The following OVCH1 variants were observed in gnomAD, a reference collection of about 807,000 sequenced individuals.
OVCH1 encodes the protein ovochymase 1.
A neutral mutation model predicts 138.4 loss-of-function variants in OVCH1; 139 were observed. The ratio of observed to expected loss-of-function variants is 1.00; its 90% CI spans 0.87 to 1.16. The LOEUF is 1.16. Among genes scored for constraint, OVCH1 ranks in the 50% most tolerant of loss-of-function variants. The pLI is 0.00. For missense variants in OVCH1, 1,367 were observed against 1,357.9 expected (o/e 1.01, Z -0.11); for synonymous variants, 453 against 467.8 (o/e 0.97, Z 0.41).
chr12:29,418,407 T>C (rs1941059729), intron 3 of OVCH1, among the ~76,000 whole-genome samples: 1 of 152,234 alleles, frequency 6.6e-6, no homozygotes, highest in South Asian at 2.1e-4. Context: ...AAATCTTCTG[T>C]AGACCTCCAT....
At chr12:29,414,783 A>AT (rs1283442035) in intron 3 of OVCH1, among the ~76,000 whole-genome samples, 6 of 152,174 alleles carry the variant, frequency 3.9e-5, no homozygotes, top group South Asian at 2.1e-4. Context: ...CATTATTAAA[A>AT]TTTTTTTAAA....
intron 3 of OVCH1, among the ~76,000 whole-genome samples, chr12:29,495,876 T>C (rs749903034): frequency 7.2e-5 from 11 of 152,212 alleles, no homozygotes; most frequent in Non-Finnish European, 1.5e-4. Flanking sequence ...GATTAAAACT[T>C]TGGAGCATCC....
At chr12:29,493,801 C>A (rs1056583555) in intron 4 of OVCH1, among the ~76,000 whole-genome samples, 24 of 152,046 alleles carry the variant, frequency 1.6e-4, no homozygotes, top group Non-Finnish European at 3.1e-4. Context: ...AAATTTGTAA[C>A]CTTTGAAGGT....
downstream of OVCH1, among the ~76,000 whole-genome samples, chr12:29,424,880 CCT>C (rs1419045076): frequency 1.3e-5 from 2 of 152,228 alleles, no homozygotes; most frequent in Non-Finnish European, 2.9e-5. Context: ...CGAAAATAAA[CCT>C]CAGCAAAATT....
At chr12:29,432,283 A>AGGGCTAAGTGTGTCTGAGCT (rs1941283444) in intron 27 of OVCH1, among the ~76,000 whole-genome samples, 1 of 152,200 alleles carries the variant, frequency 6.6e-6, no homozygotes, top group African/African-American at 2.4e-5. Flanking sequence ...TGGCTATTAC[A>AGGGCTAAGTGTGTCTGAGCT]CATAAAACTG....
At chr12:29,453,805 A>G (rs1592058179) in intron 21 of OVCH1, among the ~76,000 whole-genome samples, 1 of 152,170 alleles carries the variant, frequency 6.6e-6, no homozygotes, top group African/African-American at 2.4e-5. Context: ...CATCTACCTC[A>G]GTGCATCCAG....
intron 19 of OVCH1, 40 bp downstream of exon 19, chr12:29,461,814 C>A: frequency 6.2e-7 from 1 of 1,612,356 alleles, no homozygotes. Context: ...CAGCAGATGG[C>A]AATTTTCCAC....
chr12:29,428,390 G>A (rs999536778), intron 27 of OVCH1, among the ~76,000 whole-genome samples: 2 of 152,170 alleles, frequency 1.3e-5, no homozygotes, highest in Non-Finnish European at 2.9e-5. Context: ...CCTTCTTACT[G>A]AGATACCCCA....
rs562681197 is a variant in OVCH1, at chr12:29,461,798, ACT to A, written c.2280+54_2280+55del. ...GCAATGGTTTCTCCTGTCTATAGAA[ACT>A]CTTCAGCAGATGGCAATTTTCCACC... On this transcript the variant is annotated intron_variant, in intron 19 of 27. Transcript: ENST00000318184. The A allele has an allele frequency of 7.4e-5, 118 of 1,603,156 alleles. 1 individual carries two copies. The South Asian group carries it at 1.2e-3, about 17-fold the overall frequency.
chr12:29,459,743 T>C (rs1942070188), intron 19 of OVCH1, among the ~76,000 whole-genome samples: 1 of 152,102 alleles, frequency 6.6e-6, no homozygotes, highest in Non-Finnish European at 1.5e-5. Flanking sequence ...ATGTCCCCCA[T>C]AAATATATAT....
intron 22 of OVCH1, among the ~76,000 whole-genome samples, chr12:29,446,445 A>G (rs1415757695): frequency 6.6e-6 from 1 of 152,164 alleles, no homozygotes; most frequent in Non-Finnish European, 1.5e-5. Flanking sequence ...ATAGCATTTT[A>G]TAGTAAAGAA....
chr12:29,465,024 ATAAT>A (rs1248881753), intron 17 of OVCH1, 119 bp downstream of exon 17: 14 of 843,678 alleles, frequency 1.7e-5, no homozygotes, highest in Middle Eastern at 2.3e-4. Flanking sequence ...GTGGGTATAA[ATAAT>A]AAGTGTGAAA....
chr12:29,442,513 C>A (rs1020720836), intron 25 of OVCH1, among the ~76,000 whole-genome samples: 14 of 148,954 alleles, frequency 9.4e-5, no homozygotes, highest in African/African-American at 3.0e-4. Context: ...AGGAGATATA[C>A]CTAATGCTAA....
At chr12:29,422,288 G>A (rs536745502) in intron 3 of OVCH1, among the ~76,000 whole-genome samples, 1 of 152,246 alleles carries the variant, frequency 6.6e-6, no homozygotes, top group Non-Finnish European at 1.5e-5. Flanking sequence ...AAAAGCAATG[G>A]AGACAGAAAG....
intron 19 of OVCH1, among the ~76,000 whole-genome samples, chr12:29,457,750 C>G (rs1206341898): frequency 6.6e-6 from 1 of 151,866 alleles, no homozygotes; most frequent in East Asian, 1.9e-4. Context: ...CTACTGTGAG[C>G]CAGACATACC....
chr12:29,414,744 A>T (rs965628527), intron 3 of OVCH1, among the ~76,000 whole-genome samples: 3 of 152,112 alleles, frequency 2.0e-5, no homozygotes, highest in African/African-American at 7.2e-5. Flanking sequence ...TGGAAAAAAA[A>T]AATATATATA....
At chr12:29,485,660 C>T (rs1206214643) in intron 8 of OVCH1, among the ~76,000 whole-genome samples, 1 of 151,872 alleles carries the variant, frequency 6.6e-6, no homozygotes, top group Non-Finnish European at 1.5e-5. Context: ...TGCCTGTACC[C>T]AGCTACTCGG....
chr12:29,417,644 A>G (rs988681456), intron 3 of OVCH1, among the ~76,000 whole-genome samples: 1 of 152,096 alleles, frequency 6.6e-6, no homozygotes, highest in Non-Finnish European at 1.5e-5. Flanking sequence ...TTATTTCAAT[A>G]TAAGTTTAAT....
chr12:29,440,406 C>T (rs1223810392), intron 25 of OVCH1: 1 of 176,538 alleles, frequency 5.7e-6, no homozygotes, highest in Non-Finnish European at 1.2e-5. Flanking sequence ...CTTTGTTTTT[C>T]CAATCTTTGT....
Sources: allele counts gnomAD v4.1 joint callset (sites outside exome capture counted in the v4.1 genomes callset), GRCh38; gene constraint gnomAD v4.1.1; transcripts MANE v1.5; gene names NCBI Gene and HGNC (gene_info 2026-07-23, HGNC 2026-07-21).